USH2A: variants seen among roughly 807,000 people sequenced by gnomAD.
The protein encoded by USH2A is Usher syndrome 2A (autosomal recessive, mild).
USH2A carries 443 observed loss-of-function variants against 538.9 expected under a neutral mutation model. The ratio of observed to expected loss-of-function variants is 0.82; its 90% CI spans 0.76 to 0.89. The LOEUF is 0.89. Ranked by LOEUF, USH2A falls within the 40% of genes least tolerant of loss-of-function variation. USH2A has a pLI of 0.00. For missense variants in USH2A, 6,633 were observed against 6,324.8 expected (o/e 1.05, Z -1.65); for synonymous variants, 2,413 against 2,273.5 (o/e 1.06, Z -1.75).
At chr1:215,730,695 T>G (rs1659970574) in intron 60 of USH2A, among the ~76,000 whole-genome samples, 2 of 152,212 alleles carry the variant, frequency 1.3e-5, no homozygotes, top group African/African-American at 4.8e-5. Context: ...CTTAAGTTGA[T>G]AAATCACGAT....
chr1:215,991,462 T>C (rs1668003466), intron 35 of USH2A, among the ~76,000 whole-genome samples: 1 of 152,014 alleles, frequency 6.6e-6, no homozygotes, highest in African/African-American at 2.4e-5. Flanking sequence ...TGGGGAGAAG[T>C]AGTAAAAACA....
intron 46 of USH2A, among the ~76,000 whole-genome samples, chr1:215,844,040 A>T (rs190591291): frequency 6.6e-6 from 1 of 152,298 alleles, no homozygotes; most frequent in Admixed American, 6.5e-5. Context: ...GATTAGCTTT[A>T]TTTTGCCAGT....
intron 24 of USH2A, among the ~76,000 whole-genome samples, chr1:216,086,192 A>G (rs1361102919): frequency 1.3e-5 from 2 of 152,126 alleles, no homozygotes; most frequent in Non-Finnish European, 2.9e-5. Context: ...CACTTTGTCT[A>G]TAGCTCAATT....
chr1:216,383,532 C>A (rs1240204901), intron 3 of USH2A, among the ~76,000 whole-genome samples: 1 of 152,098 alleles, frequency 6.6e-6, no homozygotes, highest in African/African-American at 2.4e-5. Context: ...AGAAGCTCTG[C>A]TTATTTCAAC....
rs74423224 is a variant in USH2A, at chr1:216,177,064, C to A, written c.4397-1582G>T. Among the ~76,000 whole-genome samples the A allele has an allele frequency of 6.1e-3, 923 of 152,112 alleles. 2 individuals are homozygous for A. The highest frequency in any genetic ancestry group is 8.6e-3 in the Non-Finnish European group (588 of 67,986). On this transcript the variant is annotated intron_variant, in intron 20 of 71. Transcript: ENST00000307340. Reference sequence around the variant, plus strand: ...TATCAGGGTTTTGTGTTTTTAACTCCGTTGAGTAAATACCAAGAAGTGCAA... The same window carrying A: ...TATCAGGGTTTTGTGTTTTTAACTCAGTTGAGTAAATACCAAGAAGTGCAA...
intron 14 of USH2A, among the ~76,000 whole-genome samples, chr1:216,220,058 T>G (rs1051103157): frequency 2.6e-5 from 4 of 152,172 alleles, no homozygotes; most frequent in African/African-American, 9.6e-5. Flanking sequence ...GAGAAATGGT[T>G]ATCCTAATTA....
At chr1:215,740,898 G>A (rs1313740759) in intron 60 of USH2A, among the ~76,000 whole-genome samples, 1 of 152,146 alleles carries the variant, frequency 6.6e-6, no homozygotes, top group Non-Finnish European at 1.5e-5. Flanking sequence ...GTTCACAATA[G>A]GGTTTGGACT....
At chr1:215,930,145 G>A (rs899050990) in intron 38 of USH2A, among the ~76,000 whole-genome samples, 6 of 151,904 alleles carry the variant, frequency 3.9e-5, no homozygotes, top group African/African-American at 1.4e-4. Context: ...GAGGAAAATT[G>A]GATTAGGTTC....
At chr1:215,685,354 GT>G (rs34889051) in intron 61 of USH2A, among the ~76,000 whole-genome samples, 49,176 of 113,476 alleles carry the variant, frequency 0.43, 8,925 homozygotes, top group East Asian at 0.65. Flanking sequence ...TGTTGTTGTT[GT>G]TTTTTTTTTT....
intron 11 of USH2A, among the ~76,000 whole-genome samples, chr1:216,272,101 A>G (rs1347182992): frequency 6.6e-6 from 1 of 152,090 alleles, no homozygotes; most frequent in African/African-American, 2.4e-5. Flanking sequence ...CCTTTATGTT[A>G]GTGGCAAATT....
intron 61 of USH2A, among the ~76,000 whole-genome samples, chr1:215,705,187 G>C (rs1659151418): frequency 1.3e-5 from 2 of 152,102 alleles, no homozygotes; most frequent in African/African-American, 4.8e-5. Flanking sequence ...AATTCAACAA[G>C]AACACAGTGA....
At chr1:216,419,545 G>C (rs773746024) in intron 2 of USH2A, among the ~76,000 whole-genome samples, 3 of 152,060 alleles carry the variant, frequency 2.0e-5, no homozygotes, top group Non-Finnish European at 2.9e-5. Flanking sequence ...CCTTCTTCCT[G>C]CTCAGGGTCG....
chr1:216,269,299 A>G (rs1399848896), intron 11 of USH2A, among the ~76,000 whole-genome samples: 1 of 152,076 alleles, frequency 6.6e-6, no homozygotes, highest in African/African-American at 2.4e-5. Context: ...TTTAAAAACA[A>G]GAGTTCCCCT....
At chr1:216,369,461 T>A (rs2038661057) in intron 3 of USH2A, among the ~76,000 whole-genome samples, 1 of 152,160 alleles carries the variant, frequency 6.6e-6, no homozygotes, top group Non-Finnish European at 1.5e-5. Flanking sequence ...TGTCTGACGA[T>A]CACACACCAC....
At chr1:216,280,310 G>A (rs2036749254) in intron 11 of USH2A, among the ~76,000 whole-genome samples, 1 of 151,960 alleles carries the variant, frequency 6.6e-6, no homozygotes, top group Admixed American at 6.6e-5. Context: ...CTTTTCCATG[G>A]TGAAATAATT....
At chr1:215,789,953 T>G in intron 51 of USH2A, 106 bp downstream of exon 51, 2 of 1,036,884 alleles carry the variant, frequency 1.9e-6, no homozygotes, top group Non-Finnish European at 2.9e-6. Context: ...AAATGAATAA[T>G]GCACACAGGA....
At chr1:216,280,597 T>C (rs1293785901) in intron 11 of USH2A, among the ~76,000 whole-genome samples, 1 of 152,188 alleles carries the variant, frequency 6.6e-6, no homozygotes. Context: ...TACTGTGCTT[T>C]AGATGTTCTC....
intron 25 of USH2A, 94 bp from the exon 26 acceptor site, chr1:216,083,680 C>T: frequency 8.1e-7 from 1 of 1,228,516 alleles, no homozygotes; most frequent in South Asian, 1.5e-5. Flanking sequence ...CAGTCTGCCA[C>T]TGAGTAAATC....
intron 58 of USH2A, among the ~76,000 whole-genome samples, chr1:215,749,020 A>C: frequency 6.6e-6 from 1 of 152,250 alleles, no homozygotes; most frequent in East Asian, 1.9e-4. Flanking sequence ...TGTTACATTC[A>C]TTCAAGTTAA....
Sources: allele counts gnomAD v4.1 joint callset (sites outside exome capture counted in the v4.1 genomes callset), GRCh38; gene constraint gnomAD v4.1.1; transcripts MANE v1.5; gene names NCBI Gene and HGNC (gene_info 2026-07-23, HGNC 2026-07-21).